The following LUZP2 variants were observed in gnomAD, a reference collection of about 807,000 sequenced individuals.
The protein encoded by LUZP2 is leucine zipper protein 2.
In LUZP2, 52 loss-of-function variants were observed where a neutral mutation model predicts 51.6. The observed-to-expected ratio is 1.01, with a 90% CI of 0.81 to 1.27. The LOEUF is 1.27. LUZP2 is among the 50% of genes most tolerant of loss of function. The probability of loss-of-function intolerance (pLI) is 0.00; values close to 1 mark genes in which losing one functional copy is unlikely to be tolerated. For missense variants in LUZP2, 436 were observed against 395.4 expected, an observed-to-expected ratio of 1.10 and a Z score of -0.87; for synonymous variants, 154 against 137.3, an observed-to-expected ratio of 1.12 and a Z score of -0.85.
intron 5 of LUZP2, among the ~76,000 whole-genome samples, chr11:24,901,637 C>T (rs1036206673): frequency 6.6e-6 from 1 of 152,074 alleles, no homozygotes; most frequent in Admixed American, 6.6e-5. Context: ...CTTGCCTAGT[C>T]CAGTTGTAGC....
intron 5 of LUZP2, among the ~76,000 whole-genome samples, chr11:24,814,335 T>C (rs980697489): frequency 3.3e-5 from 5 of 152,070 alleles, no homozygotes; most frequent in African/African-American, 1.2e-4. Flanking sequence ...TGGATATGTA[T>C]TGAAGGGGTG....
At chr11:24,832,742 GAGA>G (rs1850738525) in intron 5 of LUZP2, among the ~76,000 whole-genome samples, 1 of 151,900 alleles carries the variant, frequency 6.6e-6, no homozygotes, top group Admixed American at 6.6e-5. Flanking sequence ...AGTTCTAAAA[GAGA>G]AGTTTTCAAA....
intron 5 of LUZP2, among the ~76,000 whole-genome samples, chr11:24,846,251 G>A (rs1851194408): frequency 6.6e-6 from 1 of 151,874 alleles, no homozygotes; most frequent in Non-Finnish European, 1.5e-5. Flanking sequence ...ATTAAGCTTA[G>A]AGGAAAATGT....
chr11:24,975,838 T>C (rs1251980378), intron 7 of LUZP2, among the ~76,000 whole-genome samples: 1 of 151,940 alleles, frequency 6.6e-6, no homozygotes, highest in African/African-American at 2.4e-5. Flanking sequence ...GATAGAGAAG[T>C]GTATGGGATT....
At chr11:24,929,767 T>A (rs987601570) in intron 7 of LUZP2, among the ~76,000 whole-genome samples, 12 of 152,174 alleles carry the variant, frequency 7.9e-5, no homozygotes, top group African/African-American at 2.9e-4. Context: ...AGTCCATTTG[T>A]TATTTGTTGA....
intron 1 of LUZP2, among the ~76,000 whole-genome samples, chr11:24,502,851 C>A (rs867608743): frequency 6.6e-6 from 1 of 152,140 alleles, no homozygotes; most frequent in African/African-American, 2.4e-5. Flanking sequence ...GAAATCAAAG[C>A]TGTGAGTACA....
chr11:24,717,220 G>A (rs11028122), intron 1 of LUZP2, among the ~76,000 whole-genome samples: 6,985 of 152,048 alleles, frequency 0.046, 512 homozygotes, highest in African/African-American at 0.15. Context: ...AATTTATTCA[G>A]CTAACCTACA....
intron 1 of LUZP2, among the ~76,000 whole-genome samples, chr11:24,715,550 T>A (rs554996083): frequency 6.6e-6 from 1 of 152,308 alleles, no homozygotes; most frequent in South Asian, 2.1e-4. Flanking sequence ...ATCTACATTG[T>A]CATTACTTAT....
At chr11:24,739,742 C>T (rs934075716) in intron 4 of LUZP2, among the ~76,000 whole-genome samples, 3 of 152,100 alleles carry the variant, frequency 2.0e-5, no homozygotes, top group Admixed American at 6.6e-5. Context: ...AGTCTGTCAT[C>T]TGCAACAGCT....
At position 24,811,441 on chromosome 11, in the gene LUZP2, G is replaced by C. The variant is rs968257695; in HGVS notation, c.396+48133G>C. On this transcript the variant is annotated intron_variant, in intron 5 of 11. Transcript: ENST00000336930. The stretch of plus-strand genomic sequence containing the variant: ...GCTAGTCGCTGTCTTATCTGACATA[G>C]TTAATGTCAACTTTATCCTCCTTCT... 4.6e-5 allele frequency among the ~76,000 whole-genome samples: 7 copies of C among 152,048 alleles called. 1 individual carries two copies. Among genetic ancestry groups the C allele is most frequent in the Admixed American group, 3.9e-4 (6 of 15,262 alleles).
intron 5 of LUZP2, among the ~76,000 whole-genome samples, chr11:24,854,686 A>C (rs984257212): frequency 8.5e-6 from 1 of 117,400 alleles, no homozygotes; most frequent in Non-Finnish European, 1.8e-5. Context: ...AAAAAAAAAA[A>C]CTCCTGCAGC....
intron 10 of LUZP2, among the ~76,000 whole-genome samples, chr11:25,062,940 A>C (rs563987064): frequency 3.3e-5 from 5 of 151,674 alleles, no homozygotes; most frequent in Admixed American, 6.6e-5. Context: ...TATACAAATC[A>C]CCATAATGAA....
At chr11:24,582,444 C>T (rs1180305820) in intron 1 of LUZP2, among the ~76,000 whole-genome samples, 1 of 151,272 alleles carries the variant, frequency 6.6e-6, no homozygotes, top group African/African-American at 2.4e-5. Context: ...GTATGTCGCA[C>T]ATTTTACTAT....
At chr11:24,501,340 G>C (rs72869892) in intron 1 of LUZP2, among the ~76,000 whole-genome samples, 203 of 152,252 alleles carry the variant, frequency 1.3e-3, no homozygotes, top group Non-Finnish European at 2.4e-3. Flanking sequence ...ATTAATGATA[G>C]GGACATCTCA....
At chr11:24,634,531 C>G (rs996111640) in intron 1 of LUZP2, among the ~76,000 whole-genome samples, 4 of 151,950 alleles carry the variant, frequency 2.6e-5, no homozygotes, top group African/African-American at 9.7e-5. Context: ...ATCTCATTCC[C>G]TATTTTTTCC....
At chr11:25,049,608 T>C (rs1858428158) in intron 9 of LUZP2, among the ~76,000 whole-genome samples, 1 of 152,104 alleles carries the variant, frequency 6.6e-6, no homozygotes. Flanking sequence ...TATTATGAAG[T>C]GTTACGAATC....
chr11:24,994,315 G>C (rs192976029), intron 9 of LUZP2, among the ~76,000 whole-genome samples: 1 of 152,072 alleles, frequency 6.6e-6, no homozygotes, highest in Non-Finnish European at 1.5e-5. Context: ...ACTTCTATAT[G>C]TTGTATTTGG....
chr11:24,842,215 ATAT>A (rs1309701733), intron 5 of LUZP2, among the ~76,000 whole-genome samples: 1 of 149,204 alleles, frequency 6.7e-6, no homozygotes, highest in African/African-American at 2.4e-5. Flanking sequence ...AATTATATTT[ATAT>A]TATTAGTTCA....
At chr11:24,804,356 T>G (rs1849789894) in intron 5 of LUZP2, among the ~76,000 whole-genome samples, 2 of 152,130 alleles carry the variant, frequency 1.3e-5, no homozygotes, top group African/African-American at 4.8e-5. Flanking sequence ...CGTATCATCT[T>G]TTCCTAACCC....
Sources: allele counts gnomAD v4.1 joint callset (sites outside exome capture counted in the v4.1 genomes callset), GRCh38; gene constraint gnomAD v4.1.1; transcripts MANE v1.5; gene names NCBI Gene and HGNC (gene_info 2026-07-23, HGNC 2026-07-21).